Variants in RGS6 observed in about 807,000 individuals in gnomAD.
RGS6 encodes regulator of G-protein signaling 6.
In RGS6, 30 loss-of-function variants were observed where a neutral mutation model predicts 78.5. That is an observed-to-expected ratio of 0.38 (90% CI 0.29 to 0.52). The LOEUF (loss-of-function observed/expected upper bound fraction) is 0.52, where lower values mean the gene tolerates loss of function less well. Among genes scored for constraint, RGS6 ranks in the 20% least tolerant of loss-of-function variants. The probability of loss-of-function intolerance (pLI) is 0.85; values close to 1 mark genes in which losing one functional copy is unlikely to be tolerated. For missense variants in RGS6, 495 were observed against 609.7 expected (o/e 0.81, Z 1.98); for synonymous variants, 206 against 206.0 (o/e 1.00, Z 0.00).
intron 2 of RGS6, among the ~76,000 whole-genome samples, chr14:71,995,145 T>C (rs1319082259): frequency 2.0e-5 from 3 of 152,130 alleles, no homozygotes; most frequent in Admixed American, 6.6e-5. Context: ...CCAAACCCCT[T>C]TTCCCTCATA....
intron 2 of RGS6, among the ~76,000 whole-genome samples, chr14:72,123,186 C>T (rs968106096): frequency 1.3e-5 from 2 of 152,122 alleles, no homozygotes; most frequent in African/African-American, 4.8e-5. Context: ...AGGCTGGTCT[C>T]GAATTCCTCC....
intron 2 of RGS6, among the ~76,000 whole-genome samples, chr14:72,057,105 G>C (rs1318682909): frequency 6.6e-6 from 1 of 152,034 alleles, no homozygotes; most frequent in Non-Finnish European, 1.5e-5. Flanking sequence ...CTTGAGGTCA[G>C]GAGTTCGAGA....
intron 2 of RGS6, among the ~76,000 whole-genome samples, chr14:71,965,943 G>C (rs921822362): frequency 4.7e-4 from 71 of 152,310 alleles, no homozygotes; most frequent in African/African-American, 1.6e-3. Context: ...CGGGGTTTTT[G>C]ACGTTGGGTA....
intron 3 of RGS6, among the ~76,000 whole-genome samples, chr14:72,382,987 C>T (rs979449155): frequency 6.6e-6 from 1 of 151,716 alleles, no homozygotes; most frequent in African/African-American, 2.4e-5. Flanking sequence ...TGGAGGTACT[C>T]GGTATCAATC....
At chr14:71,984,323 C>CAAATT (rs2094595794) in intron 2 of RGS6, among the ~76,000 whole-genome samples, 6 of 120,410 alleles carry the variant, frequency 5.0e-5, no homozygotes, top group African/African-American at 6.7e-5. Flanking sequence ...AAAAAAAAAA[C>CAAATT]AAAGCTGTTA....
At chr14:72,496,213 C>T (rs1053884801) in intron 13 of RGS6, among the ~76,000 whole-genome samples, 4 of 99,200 alleles carry the variant, frequency 4.0e-5, no homozygotes, top group Non-Finnish European at 7.8e-5. Flanking sequence ...TGTTTATAGT[C>T]TAATGCTGTG....
intron 12 of RGS6, among the ~76,000 whole-genome samples, chr14:72,494,524 G>A (rs72726162): frequency 0.097 from 14,786 of 151,998 alleles, 764 homozygotes; most frequent in Middle Eastern, 0.18. Flanking sequence ...TAATCATTTG[G>A]TACTATTTTA....
intron 2 of RGS6, among the ~76,000 whole-genome samples, chr14:72,034,932 A>C (rs2091461130): frequency 6.6e-6 from 1 of 152,168 alleles, no homozygotes; most frequent in Non-Finnish European, 1.5e-5. Flanking sequence ...TTAAATGGAA[A>C]ATTGCGGAAA....
At chr14:72,555,783 A>ATAAG (rs962963656) in intron 17 of RGS6, among the ~76,000 whole-genome samples, 52 of 152,366 alleles carry the variant, frequency 3.4e-4, no homozygotes, top group South Asian at 1.2e-3. Context: ...TGTTGTGGAC[A>ATAAG]TAAGTAAGTG....
intron 3 of RGS6, among the ~76,000 whole-genome samples, chr14:72,433,714 C>T (rs1327770118): frequency 1.3e-5 from 2 of 152,052 alleles, no homozygotes; most frequent in Admixed American, 6.6e-5. Context: ...ATGACTCACC[C>T]TGAGTCCAGA....
At chr14:72,336,858 G>GC (rs1282275806) in intron 2 of RGS6, among the ~76,000 whole-genome samples, 1 of 152,024 alleles carries the variant, frequency 6.6e-6, no homozygotes, top group Non-Finnish European at 1.5e-5. Context: ...AGATGACTTT[G>GC]CCCCCTGTGT....
At chr14:72,290,674 C>G (rs988047785) in intron 2 of RGS6, among the ~76,000 whole-genome samples, 1 of 152,156 alleles carries the variant, frequency 6.6e-6, no homozygotes, top group Non-Finnish European at 1.5e-5. Context: ...AAGGAAGAAA[C>G]TAGGCATATA....
chr14:72,050,951 ATGGGAGTTAGGCAGCCTTGTGCTTT>A, intron 2 of RGS6, among the ~76,000 whole-genome samples: 1 of 152,200 alleles, frequency 6.6e-6, no homozygotes, highest in South Asian at 2.1e-4. Flanking sequence ...GTAGAGGCAT[ATGGGAGTTAGGCAGCCTTGTGCTTT>A]TCATACTATG....
intron 13 of RGS6, among the ~76,000 whole-genome samples, chr14:72,507,555 A>C (rs549338092): frequency 1.3e-5 from 2 of 152,188 alleles, no homozygotes; most frequent in African/African-American, 4.8e-5. Context: ...CTTCTGTCCT[A>C]AGCATCCCTC....
At chr14:72,441,086 AG>A (rs1276639551) in intron 3 of RGS6, among the ~76,000 whole-genome samples, 1 of 152,200 alleles carries the variant, frequency 6.6e-6, no homozygotes, top group Non-Finnish European at 1.5e-5. Flanking sequence ...GAGTGTGTGC[AG>A]GTACAGCTTC....
At chr14:72,617,601 C>T in the RGS6 span, among the ~76,000 whole-genome samples, 1 of 152,224 alleles carries the variant, frequency 6.6e-6, no homozygotes, top group African/African-American at 2.4e-5. Context: ...GAGTGACCCC[C>T]ATCGCTTGCC....
At chr14:72,423,228 T>C (rs1008748158) in intron 3 of RGS6, among the ~76,000 whole-genome samples, 4 of 152,136 alleles carry the variant, frequency 2.6e-5, no homozygotes, top group Non-Finnish European at 5.9e-5. Flanking sequence ...ACAGACAAAG[T>C]CGTGAAATAG....
chr14:72,310,676 G>C (rs984388831), intron 2 of RGS6, among the ~76,000 whole-genome samples: 4 of 152,264 alleles, frequency 2.6e-5, no homozygotes, highest in Admixed American at 2.0e-4. Flanking sequence ...TGCAGTGAAG[G>C]CTGGAGTCAC....
At chr14:72,153,980 C>G (rs2096732510) in intron 2 of RGS6, among the ~76,000 whole-genome samples, 1 of 152,102 alleles carries the variant, frequency 6.6e-6, no homozygotes, top group South Asian at 2.1e-4. Context: ...TGCAGGAGAC[C>G]AGGGCGTATC....
Sources: allele counts gnomAD v4.1 joint callset (sites outside exome capture counted in the v4.1 genomes callset), GRCh38; gene constraint gnomAD v4.1.1; transcripts MANE v1.5; gene names NCBI Gene and HGNC (gene_info 2026-07-23, HGNC 2026-07-21).